PUM1: variants seen among roughly 807,000 people sequenced by gnomAD.
PUM1 encodes the protein pumilio homolog 1.
Under a neutral mutation model 131.8 loss-of-function variants are expected in PUM1, and 13 were observed. That is an observed-to-expected ratio of 0.10 (90% CI 0.06 to 0.16). PUM1 has a LOEUF of 0.16. Among genes scored for constraint, PUM1 ranks in the 10% least tolerant of loss-of-function variants. PUM1 has a pLI of 1.00. For synonymous variants in PUM1, 509 were observed against 556.5 expected, an observed-to-expected ratio of 0.91 and a Z score of 1.20; for missense variants, 961 against 1,512.4, an observed-to-expected ratio of 0.64 and a Z score of 6.05.
intron 5 of PUM1, among the ~76,000 whole-genome samples, chr1:31,004,242 C>A (rs1005217341): frequency 5.9e-5 from 9 of 152,206 alleles, no homozygotes; most frequent in African/African-American, 2.2e-4. Context: ...CATGTATCTT[C>A]CTCCTAATTC....
chr1:30,965,907 G>A, intron 13 of PUM1, 75 bp downstream of exon 13: 5 of 1,451,556 alleles, frequency 3.4e-6, no homozygotes, highest in Non-Finnish European at 4.7e-6. Context: ...GTGGTTCCAT[G>A]CATTGCCAGT....
chr1:30,998,987 GTGTTTTTGTTTT>G lies in PUM1; in HGVS notation c.721-3779_721-3768del, dbSNP rs151177933. On this transcript the variant is annotated intron_variant, in intron 5 of 21. Transcript: ENST00000426105. The stretch of plus-strand genomic sequence containing the variant: ...AAGATAAACTATTCATAGCTGTGTG[GTGTTTTTGTTTT>G]TGTTTTTGTTTTTGTTTTTGAGACA... Among the ~76,000 whole-genome samples the G allele has an allele frequency of 2.3e-3, 344 of 151,896 alleles. 1 individual carries two copies. Among genetic ancestry groups the G allele is most frequent in the African/African-American group, 7.3e-3 (303 of 41,272 alleles).
At chr1:30,935,479 T>C (rs1639168913) in intron 21 of PUM1, among the ~76,000 whole-genome samples, 1 of 152,262 alleles carries the variant, frequency 6.6e-6, no homozygotes, top group Non-Finnish European at 1.5e-5. Context: ...TACGACCTGC[T>C]GTACAACAGG....
At chr1:30,939,888 T>C (rs1200810910) in intron 20 of PUM1, among the ~76,000 whole-genome samples, 1 of 152,152 alleles carries the variant, frequency 6.6e-6, no homozygotes, top group Non-Finnish European at 1.5e-5. Flanking sequence ...TTAAATTGTT[T>C]TTGAATTTGT....
chr1:31,024,302 A>G (rs1234836344), intron 3 of PUM1, among the ~76,000 whole-genome samples: 1 of 152,140 alleles, frequency 6.6e-6, no homozygotes, highest in African/African-American at 2.4e-5. Flanking sequence ...TCACTATCCA[A>G]TTCCTCCCTC....
intron 2 of PUM1, among the ~76,000 whole-genome samples, chr1:31,045,988 A>G (rs1412182329): frequency 6.6e-6 from 1 of 152,158 alleles, no homozygotes; most frequent in African/African-American, 2.4e-5. Flanking sequence ...AGCCTGAGGC[A>G]GGAGAATCGC....
chr1:30,997,861 C>A (rs1008398460), intron 5 of PUM1, among the ~76,000 whole-genome samples: 2 of 152,008 alleles, frequency 1.3e-5, no homozygotes, highest in South Asian at 4.1e-4. Context: ...TGCACCACCA[C>A]GCCCGGCATG....
At chr1:31,056,152 A>C (rs1432117795) in intron 2 of PUM1, among the ~76,000 whole-genome samples, 1 of 152,172 alleles carries the variant, frequency 6.6e-6, no homozygotes, top group Non-Finnish European at 1.5e-5. Flanking sequence ...TATCAAATGT[A>C]ATCACTGTGT....
At chr1:30,938,062 G>A (rs1293087955) in intron 20 of PUM1, among the ~76,000 whole-genome samples, 1 of 152,118 alleles carries the variant, frequency 6.6e-6, no homozygotes, top group Non-Finnish European at 1.5e-5. Flanking sequence ...ATAAGCCACC[G>A]CACCCGGCCC....
At chr1:31,017,879 G>C (rs992285214) in intron 3 of PUM1, among the ~76,000 whole-genome samples, 17 of 152,250 alleles carry the variant, frequency 1.1e-4, no homozygotes, top group African/African-American at 4.1e-4. Flanking sequence ...TGATCTGACA[G>C]TCCTCCATAA....
chr1:30,965,046 T>C, intron 13 of PUM1, 136 bp from the exon 14 acceptor site: 2 of 672,042 alleles, frequency 3.0e-6, no homozygotes, highest in East Asian at 5.4e-5. Context: ...TAACTGTTAA[T>C]GTAGCAGTAC....
intron 5 of PUM1, 28 bp downstream of exon 5, chr1:31,005,819 GAGAGAT>G (rs776004952): frequency 5.7e-6 from 7 of 1,237,346 alleles, no homozygotes; most frequent in Non-Finnish European, 5.5e-6. Flanking sequence ...GAGAGAGAGA[GAGAGAT>G]AGGAACAAGT....
intron 2 of PUM1, among the ~76,000 whole-genome samples, chr1:31,058,134 A>C (rs1008579501): frequency 5.9e-5 from 9 of 152,222 alleles, no homozygotes; most frequent in Non-Finnish European, 1.0e-4. Flanking sequence ...AAAACCTAAA[A>C]GCCACAACCA....
intron 3 of PUM1, among the ~76,000 whole-genome samples, chr1:31,028,503 T>C (rs1557593476): frequency 6.6e-6 from 1 of 152,180 alleles, no homozygotes; most frequent in Non-Finnish European, 1.5e-5. Context: ...AAAATTAAAA[T>C]ACTTCTTAAA....
chr1:31,055,346 C>T (rs2124597095), intron 2 of PUM1: 1 of 456,236 alleles, frequency 2.2e-6, no homozygotes, highest in African/African-American at 2.0e-5. Flanking sequence ...CTCGTCTTCC[C>T]TCATTCAATC....
intron 3 of PUM1, among the ~76,000 whole-genome samples, chr1:31,017,521 C>T (rs1642860282): frequency 6.6e-6 from 1 of 151,426 alleles, no homozygotes; most frequent in South Asian, 2.1e-4. Context: ...CGATTTTTTT[C>T]TTCTTTTTTT....
chr1:30,974,683 T>C lies in PUM1; in HGVS notation c.1474A>G (p.Thr492Ala), dbSNP rs1323757402. 6.2e-7 allele frequency: 1 copy of C among 1,609,926 alleles called. No homozygotes were observed. Among genetic ancestry groups the C allele is most frequent in the African/African-American group, 1.3e-5 (1 of 74,980 alleles). ...TGTCCTTGCTGAGCCTGTGGGGTGG[T>C]CTGTTGATTAGCTGAATTAGTTGCT... ...AAATNSANQQ[T>A]TPQAQQGQQQ... Residue 492 changes from threonine to alanine, a missense_variant, in exon 10 of 22, where the codon ACC becomes GCC. Around this residue, in one of 4 missense-constraint regions of PUM1, gnomAD observed 654 missense variants for 923.9 expected, o/e 0.71. Coordinates refer to ENST00000426105, the MANE Select transcript of PUM1 (RefSeq NM_001020658.2).
At chr1:31,017,941 A>G (rs1224529907) in intron 3 of PUM1, among the ~76,000 whole-genome samples, 1 of 152,222 alleles carries the variant, frequency 6.6e-6, no homozygotes, top group Non-Finnish European at 1.5e-5. Flanking sequence ...AAAGAGGCCA[A>G]TGTAGTAATC....
intron 1 of PUM1, among the ~76,000 whole-genome samples, chr1:31,064,866 C>G (rs554180507): frequency 6.9e-6 from 1 of 145,206 alleles, no homozygotes; most frequent in African/African-American, 2.6e-5. Flanking sequence ...CTATGTTTAC[C>G]AAGCATGTTT....
Sources: gnomAD v4.1 joint callset for allele counts (sites outside exome capture counted in the v4.1 genomes callset) on GRCh38, gnomAD v4.1.1 for gene constraint, gnomAD v4.1.1 regional missense constraint, MANE v1.5 for transcripts, NCBI Gene and HGNC (gene_info 2026-07-23, HGNC 2026-07-21) for gene names.